The following HKDC1 variants were observed in gnomAD, a reference collection of about 807,000 sequenced individuals.
HKDC1 encodes hexokinase domain containing 1, also known as hexokinase HKDC1.
In HKDC1, 66 loss-of-function variants were observed where a neutral mutation model predicts 96.6. The ratio of observed to expected loss-of-function variants is 0.68; its 90% CI spans 0.56 to 0.84. HKDC1 has a LOEUF of 0.84. HKDC1 is among the 40% of genes least tolerant of loss of function. The pLI is 0.00. For missense variants in HKDC1, 1,211 were observed against 1,208.1 expected (o/e 1.00, Z -0.04); for synonymous variants, 466 against 473.1 (o/e 0.98, Z 0.20).
At chr10:69,241,611 G>C (rs1254601050) in intron 6 of HKDC1, among the ~76,000 whole-genome samples, 1 of 152,160 alleles carries the variant, frequency 6.6e-6, no homozygotes, top group Non-Finnish European at 1.5e-5. Context: ...AGCCTCCTGA[G>C]TAGCTGGGAT....
intron 8 of HKDC1, among the ~76,000 whole-genome samples, chr10:69,246,665 G>C (rs986246072): frequency 1.3e-5 from 2 of 152,208 alleles, no homozygotes; most frequent in Non-Finnish European, 2.9e-5. Flanking sequence ...TGATAGCAGA[G>C]CCTTCTCCAC....
intron 12 of HKDC1, among the ~76,000 whole-genome samples, chr10:69,251,287 G>A (rs575345699): frequency 8.4e-4 from 127 of 151,648 alleles, no homozygotes; most frequent in Admixed American, 2.0e-3. Flanking sequence ...GTAGAGATGG[G>A]GTTTCACCAT....
intron 15 of HKDC1, among the ~76,000 whole-genome samples, chr10:69,259,321 C>G (rs1843771938): frequency 6.6e-6 from 1 of 152,132 alleles, no homozygotes; most frequent in Non-Finnish European, 1.5e-5. Flanking sequence ...AGCTGGCTAC[C>G]AGGTTGGTGA....
intron 1 of HKDC1, chr10:69,222,873 A>T (rs1188755275): frequency 6.6e-6 from 1 of 152,198 alleles, no homozygotes; most frequent in South Asian, 2.1e-4. Context: ...TGGTGGAAAC[A>T]CACCTGGTCA....
chr10:69,254,320 A>T (rs894770113), intron 12 of HKDC1, among the ~76,000 whole-genome samples: 4 of 144,636 alleles, frequency 2.8e-5, no homozygotes, highest in East Asian at 1.9e-4. Context: ...AGAAAAAAAA[A>T]ATTTTTTTAA....
chr10:69,222,932 G>C (rs549298587), intron 1 of HKDC1: 3 of 152,272 alleles, frequency 2.0e-5, no homozygotes, highest in Non-Finnish European at 4.4e-5. Flanking sequence ...CCCCTTCTTC[G>C]TCTCTGTGCT....
chr10:69,242,429 G>GAAAA lies in HKDC1; in HGVS notation c.692-735_692-732dup, dbSNP rs5785904. 1.8e-3 allele frequency among the ~76,000 whole-genome samples: 203 copies of GAAAA among 115,134 alleles called. 8 individuals carry two copies. Among genetic ancestry groups the GAAAA allele is most frequent in the East Asian group, 2.3e-3 (9 of 3,954 alleles). 75.5% of individuals were successfully genotyped at this position (115,134 alleles called of 152,430 possible). A position where few individuals can be genotyped will look rare whatever the true frequency, so the allele number is the denominator to read the frequency against. On this transcript the variant is annotated intron_variant, in intron 6 of 17. Coordinates refer to ENST00000354624, the MANE Select transcript of HKDC1 (RefSeq NM_025130.4). ...GTATCAGCCAAGGGAAGATACTGAA[G>GAAAA]AAAAAAAAAAAAAAAAAAAAACCCG...
At chr10:69,221,042 C>T (rs759356629) in intron 1 of HKDC1, among the ~76,000 whole-genome samples, 1 of 151,910 alleles carries the variant, frequency 6.6e-6, no homozygotes, top group Non-Finnish European at 1.5e-5. Flanking sequence ...CCCATCTACT[C>T]GGGAGGCTGA....
rs780197392 is a variant in HKDC1, at chr10:69,250,387, C to A, written c.1668C>A (p.Asn556Lys). Residue 556 changes from asparagine (N) to lysine (K), a missense_variant, in exon 11 of 18, where the codon AAC becomes AAA. Asn to Lys is a moderately conservative substitution (Grantham distance 94). Coordinates refer to ENST00000354624, the MANE Select transcript of HKDC1 (RefSeq NM_025130.4). ...GACGGAGGTCAGTGCGAATGTACAA[C>A]AAGATCTTCGCCATCCCCCTGGAGA... ...RSGRRSVRMY[N>K]KIFAIPLEIM... 6.2e-7 allele frequency: 1 copy of A among 1,614,020 alleles called. No homozygotes were observed. The highest frequency in any genetic ancestry group is 1.7e-5 in the Admixed American group (1 of 60,008).
At chr10:69,232,479 G>A (rs929547831) in intron 2 of HKDC1, 108 of 424,912 alleles carry the variant, frequency 2.5e-4, no homozygotes, top group Non-Finnish European at 4.2e-4. Flanking sequence ...CGCAAGGGCT[G>A]TGCTCACATT....
In HKDC1 at chr10:69,265,715, G is replaced by A; in HGVS notation, c.2503G>A (p.Ala835Thr). ...CCGGCGGGCGGCCCAGCTCTGCGGT[G>A]CTGGCCTGGCCGCTATAGTGGAAAA... Reference protein sequence around the residue: ...VSRRAAQLCGAGLAAIVEKRR... With the variant: ...VSRRAAQLCGTGLAAIVEKRR... Residue 835 changes from alanine to threonine, a missense_variant, in exon 17 of 18, where the codon GCT (alanine) becomes ACT (threonine). Transcript: ENST00000354624. 2 of 1,613,488 alleles carry A rather than the reference G, an allele frequency of 1.2e-6. No homozygotes were observed. The highest frequency in any genetic ancestry group is 2.2e-5 in the South Asian group (2 of 91,052).
intron 17 of HKDC1, 80 bp from the exon 18 acceptor site, chr10:69,266,530 A>C: frequency 6.7e-7 from 1 of 1,484,664 alleles, no homozygotes; most frequent in South Asian, 1.3e-5. Flanking sequence ...GAAGAAGCTA[A>C]AGAAATTAGA....
At chr10:69,221,374 CA>C (rs1175747443) in intron 1 of HKDC1, among the ~76,000 whole-genome samples, 1 of 151,972 alleles carries the variant, frequency 6.6e-6, no homozygotes, top group African/African-American at 2.4e-5. Flanking sequence ...TAAAGGTTGC[CA>C]AGGGTCAACA....
chr10:69,246,491 A>G (rs1367842622), intron 8 of HKDC1, among the ~76,000 whole-genome samples: 1 of 152,248 alleles, frequency 6.6e-6, no homozygotes, highest in Admixed American at 6.5e-5. Context: ...TTCTTGTTAA[A>G]GTGGTAACTT....
At position 69,250,599 on chromosome 10, in the gene HKDC1, C is replaced by T. The variant is rs891001488; in HGVS notation, c.1783C>T (p.Leu595=). 8 of 1,614,090 alleles carry T rather than the reference C, an allele frequency of 5.0e-6. No homozygotes were observed. Among genetic ancestry groups the T allele is most frequent in the African/African-American group, 1.3e-5 (1 of 75,056 alleles). ...CTACATGGGCCTCAAGGGAGCCTCC[C>T]TACCTTTGGGCTTCACATTCTCATT... The part of the protein sequence containing the change: ...LDYMGLKGAS[L]PLGFTFSFPC... The change falls in exon 12 of 18, where the codon CTA becomes TTA. Residue 595 remains leucine, a synonymous_variant. Transcript: ENST00000354624.
chr10:69,263,439 T>TCATATC (rs1367610975), intron 16 of HKDC1, among the ~76,000 whole-genome samples: 1 of 151,370 alleles, frequency 6.6e-6, no homozygotes, highest in Non-Finnish European at 1.5e-5. Context: ...AAAAAAAAAA[T>TCATATC]CATATCCACC....
rs372581014 is a variant in HKDC1, at chr10:69,227,394, G to A, written c.226+25G>A. The A allele has an allele frequency of 1.5e-4, 247 of 1,613,682 alleles. 2 individuals are homozygous for A. In the African/African-American group the frequency reaches 2.9e-3, roughly 19 times the overall value. On this transcript the variant is annotated intron_variant, in intron 2 of 17. Transcript: ENST00000354624. ...GGTGAGTGCAGTTGTCCGCTGCCAG[G>A]GTCCCTGGCTCCTCTTGGCTGATGG...
chr10:69,222,458 A>G (rs547248779), intron 1 of HKDC1, among the ~76,000 whole-genome samples: 41 of 152,294 alleles, frequency 2.7e-4, no homozygotes, highest in African/African-American at 9.4e-4. Flanking sequence ...GTAAAGGCAC[A>G]AGTTGCACCA....
chr10:69,267,522 A>G lies in HKDC1; in HGVS notation c.*765A>G, dbSNP rs1200596281. On this transcript the variant is annotated 3_prime_UTR_variant, in exon 18 of 18. Transcript: ENST00000354624. ...TTGTTAGGTATAGGAAATCCAGTAA[A>G]TTAATAAAAAAATTTTGATTTTCCA... 1 of 450,620 alleles carries G rather than the reference A, an allele frequency of 2.2e-6. No individual in the cohort carries two copies. Among genetic ancestry groups the G allele is most frequent in the East Asian group, 7.0e-5 (1 of 14,388 alleles). The allele number at this position is 450,620 out of a possible 1,614,324, so 27.9% of individuals were successfully genotyped here. A position where few individuals can be genotyped will look rare whatever the true frequency, so the allele number is the denominator to read the frequency against.
Sources: allele counts gnomAD v4.1 joint callset (sites outside exome capture counted in the v4.1 genomes callset), GRCh38; gene constraint gnomAD v4.1.1; transcripts MANE v1.5; gene names NCBI Gene and HGNC (gene_info 2026-07-23, HGNC 2026-07-21).